Variants in ATP8B4 observed in about 807,000 individuals in gnomAD.
The protein encoded by ATP8B4 is ATPase phospholipid transporting 8B4 (putative).
ATP8B4 carries 133 observed loss-of-function variants against 145.6 expected under a neutral mutation model. The ratio of observed to expected loss-of-function variants is 0.91; its 90% CI spans 0.79 to 1.05. The LOEUF (loss-of-function observed/expected upper bound fraction) is 1.05, where lower values mean the gene tolerates loss of function less well. Ranked by LOEUF, ATP8B4 falls within the 50% of genes least tolerant of loss-of-function variation. The pLI is 0.00. For synonymous variants in ATP8B4, 507 were observed against 492.9 expected, an observed-to-expected ratio of 1.03 and a Z score of -0.38; for missense variants, 1,458 against 1,425.2, an observed-to-expected ratio of 1.02 and a Z score of -0.37.
intron 20 of ATP8B4, among the ~76,000 whole-genome samples, chr15:49,902,650 G>C (rs937170): frequency 0.093 from 14,119 of 152,186 alleles, 873 homozygotes; most frequent in Middle Eastern, 0.17. Flanking sequence ...AAGGGGAGAG[G>C]GAAGTAGAAC....
At chr15:50,056,177 A>C (rs1158856291) in intron 3 of ATP8B4, among the ~76,000 whole-genome samples, 1 of 152,188 alleles carries the variant, frequency 6.6e-6, no homozygotes, top group Non-Finnish European at 1.5e-5. Context: ...GTGTATGAGG[A>C]GGCAAAGAGC....
chr15:50,002,976 T>G (rs1177254748), intron 7 of ATP8B4, among the ~76,000 whole-genome samples: 2 of 152,208 alleles, frequency 1.3e-5, no homozygotes, highest in African/African-American at 4.8e-5. Context: ...TTATTGATTT[T>G]ATTTCAAAGC....
intron 1 of ATP8B4, among the ~76,000 whole-genome samples, chr15:50,163,222 G>A (rs976012183): frequency 8.5e-5 from 13 of 152,182 alleles, no homozygotes; most frequent in Admixed American, 8.5e-4. Flanking sequence ...GGTATTTATT[G>A]TAGTCTTCAT....
chr15:50,112,954 G>A lies in ATP8B4; in HGVS notation c.-42-5946C>T, dbSNP rs371486195. On this transcript the variant is annotated intron_variant, in intron 1 of 27. Coordinates refer to ENST00000284509, the MANE Select transcript of ATP8B4 (RefSeq NM_024837.4). ...AAGCGTGGAGAGGAAGAGGCTCCCT[G>A]TGAGGGCTGCACCAGTGTGGTCTTG... Among the ~76,000 whole-genome samples, 36 of 152,244 alleles carry A rather than the reference G, an allele frequency of 2.4e-4. 1 individual carries two copies. In the South Asian group the frequency reaches 7.3e-3, roughly 31 times the overall value.
At chr15:50,023,447 G>A (rs1254587655) in intron 6 of ATP8B4, among the ~76,000 whole-genome samples, 2 of 152,064 alleles carry the variant, frequency 1.3e-5, no homozygotes, top group African/African-American at 4.8e-5. Context: ...TTATACCACA[G>A]TCCTTTGCAT....
chr15:49,988,512 T>A (rs1460607449), intron 9 of ATP8B4, among the ~76,000 whole-genome samples: 7 of 152,062 alleles, frequency 4.6e-5, no homozygotes, highest in Admixed American at 4.6e-4. Context: ...GTAGATCCAA[T>A]CAGGGTTTGA....
chr15:50,087,627 C>G (rs990305315), intron 2 of ATP8B4, among the ~76,000 whole-genome samples: 1 of 151,762 alleles, frequency 6.6e-6, no homozygotes, highest in African/African-American at 2.4e-5. Context: ...CATAAACCTA[C>G]TTATAGCAGC....
intron 3 of ATP8B4, among the ~76,000 whole-genome samples, chr15:50,051,629 T>C (rs1176424143): frequency 6.6e-6 from 1 of 152,120 alleles, no homozygotes. Flanking sequence ...AAAGAAAGGA[T>C]TTGGAGAAAA....
chr15:50,141,065 C>G (rs2044201175), intron 1 of ATP8B4, among the ~76,000 whole-genome samples: 1 of 152,102 alleles, frequency 6.6e-6, no homozygotes, highest in African/African-American at 2.4e-5. Flanking sequence ...CTGGTATGCT[C>G]TTGACCCGCA....
intron 20 of ATP8B4, among the ~76,000 whole-genome samples, chr15:49,904,556 G>A (rs1371466657): frequency 6.6e-6 from 1 of 152,126 alleles, no homozygotes; most frequent in Non-Finnish European, 1.5e-5. Context: ...GTGACTAGGG[G>A]TTAGGAATTA....
At chr15:50,122,683 A>G (rs559406002), upstream of ATP8B4, among the ~76,000 whole-genome samples, 1 of 152,276 alleles carries the variant, frequency 6.6e-6, no homozygotes, top group East Asian at 1.9e-4. Flanking sequence ...TAATGAAAGA[A>G]AATCAGAACA....
At chr15:49,891,215 G>A (rs1364552768) in intron 23 of ATP8B4, among the ~76,000 whole-genome samples, 9 of 151,728 alleles carry the variant, frequency 5.9e-5, no homozygotes, top group Admixed American at 2.0e-4. Context: ...ACACTTGCTT[G>A]CAGACTAATT....
At chr15:49,915,660 T>C (rs1404689160) in intron 20 of ATP8B4, among the ~76,000 whole-genome samples, 1 of 152,128 alleles carries the variant, frequency 6.6e-6, no homozygotes, top group African/African-American at 2.4e-5. Context: ...TTTAATTGAT[T>C]ATTAAATAAG....
chr15:49,936,289 C>G (rs779333062), intron 14 of ATP8B4, among the ~76,000 whole-genome samples: 1 of 152,112 alleles, frequency 6.6e-6, no homozygotes, highest in Non-Finnish European at 1.5e-5. Flanking sequence ...CCATGCCACC[C>G]CCTTTCTTAA....
intron 6 of ATP8B4, among the ~76,000 whole-genome samples, chr15:50,034,181 G>A (rs186092638): frequency 7.9e-5 from 12 of 151,448 alleles, no homozygotes; most frequent in East Asian, 1.9e-4. Context: ...TCCCACCAAC[G>A]GTGTATAGAT....
intron 14 of ATP8B4, among the ~76,000 whole-genome samples, chr15:49,943,136 CCAAA>C (rs1161996682): frequency 2.0e-5 from 3 of 151,454 alleles, no homozygotes; most frequent in Admixed American, 6.6e-5. Flanking sequence ...AAAAAATTCA[CCAAA>C]CAAAGACAAG....
At chr15:49,986,832 G>A (rs752372746) in intron 10 of ATP8B4, among the ~76,000 whole-genome samples, 3 of 152,192 alleles carry the variant, frequency 2.0e-5, no homozygotes, top group Non-Finnish European at 2.9e-5. Context: ...GAAATTTGGT[G>A]GGCAAGAAGA....
At chr15:49,883,107 C>A (rs985786231) in intron 23 of ATP8B4, 1 of 151,720 alleles carries the variant, frequency 6.6e-6, no homozygotes, top group African/African-American at 2.4e-5. Flanking sequence ...CCAGGTAGTT[C>A]CAATGTGAAG....
chr15:50,172,275 T>G (rs1456405893), intron 1 of ATP8B4, among the ~76,000 whole-genome samples: 1 of 152,200 alleles, frequency 6.6e-6, no homozygotes, highest in Non-Finnish European at 1.5e-5. Context: ...GCCGAGTGCC[T>G]GGGATTGCAG....
Sources: allele counts gnomAD v4.1 joint callset (sites outside exome capture counted in the v4.1 genomes callset), GRCh38; gene constraint gnomAD v4.1.1; transcripts MANE v1.5; gene names NCBI Gene and HGNC (gene_info 2026-07-23, HGNC 2026-07-21).